Variants in PRMT1 observed in about 807,000 individuals in gnomAD.
The protein encoded by PRMT1 is protein arginine methyltransferase 1.
Under a neutral mutation model 47.4 loss-of-function variants are expected in PRMT1, and 5 were observed. The observed-to-expected ratio is 0.11, with a 90% CI of 0.06 to 0.22. PRMT1 has a LOEUF of 0.22. Among genes scored for constraint, PRMT1 ranks in the 10% least tolerant of loss-of-function variants. PRMT1 has a pLI of 1.00. For synonymous variants in PRMT1, 227 were observed against 204.6 expected (o/e 1.11, Z -0.94); for missense variants, 249 against 518.4 (o/e 0.48, Z 5.05).
chr19:49,682,315 C>CAGG (rs774012157), intron 5 of PRMT1, 56 bp downstream of exon 5: 26 of 1,561,282 alleles, frequency 1.7e-5, no homozygotes, highest in African/African-American at 2.7e-5. Flanking sequence ...GCCCTGCTTC[C>CAGG]CCAGGGCCCT....
In PRMT1 at chr19:49,680,429, T is replaced by C. The variant is rs935499646; in HGVS notation, c.91-58T>C. ...CAGGGAAAAGTAGGGCGCTGGAGGTTTAAGAGGCTGTGGGGAGCCCCCAGA... is the reference window on the plus strand; with the variant it reads ...CAGGGAAAAGTAGGGCGCTGGAGGTCTAAGAGGCTGTGGGGAGCCCCCAGA... On this transcript the variant is annotated intron_variant, in intron 2 of 10. Coordinates refer to ENST00000454376, the MANE Select transcript of PRMT1 (RefSeq NM_001536.6). This position sits in a 1 kb window ranked among gnomAD's most constrained non-coding sequence, Gnocchi z 4.2. 3.5e-6 allele frequency: 5 copies of C among 1,414,346 alleles called. No homozygotes were observed. The highest frequency in any genetic ancestry group is 5.0e-6 in the Non-Finnish European group (5 of 999,056). 87.6% of individuals were successfully genotyped at this position (1,414,346 alleles called of 1,614,324 possible).
At chr19:49,686,557 T>TTGGGGGGGG in intron 9 of PRMT1, 48 bp from the exon 10 acceptor site, 1 of 976,194 alleles carries the variant, frequency 1.0e-6, no homozygotes. Context: ...AAGGGTGGGG[T>TTGGGGGGGG]TGGGGGGGGC....
chr19:49,680,367 TGTC>T lies in PRMT1; in HGVS notation c.91-119_91-117del, dbSNP rs2082099029. On this transcript the variant is annotated intron_variant, in intron 2 of 10. Transcript: ENST00000454376. This position sits in a 1 kb window ranked among gnomAD's most constrained non-coding sequence, Gnocchi z 4.2. ...AGATGGCAGGCGGGGGCTGTAGGGT[TGTC>T]ATGGTATGATTTTGGGGGTTCTATA... 1.7e-5 allele frequency: 19 copies of T among 1,086,964 alleles called. No homozygotes were observed. Among genetic ancestry groups the T allele is most frequent in the Non-Finnish European group, 2.5e-5 (18 of 715,626 alleles). 67.3% of individuals were successfully genotyped at this position (1,086,964 alleles called of 1,614,324 possible).
Position 49,684,162 on chromosome 19 carries a change from A to G in PRMT1, c.555+93A>G. On this transcript the variant is annotated intron_variant, in intron 6 of 10. Coordinates refer to ENST00000454376, the MANE Select transcript of PRMT1 (RefSeq NM_001536.6). This position sits in a 1 kb window ranked among gnomAD's most constrained non-coding sequence, Gnocchi z 6.2. ...TCAATTTTTCCCACAGACGGGACTT[A>G]CTGTGGGGGCTTAGCTGCAAGGTGT... The G allele has an allele frequency of 6.6e-7, 1 of 1,518,306 alleles. No homozygotes were observed. Among genetic ancestry groups the G allele is most frequent in the South Asian group, 1.2e-5 (1 of 83,420 alleles). The allele number at this position is 1,518,306 out of a possible 1,614,324, so 94.1% of individuals were successfully genotyped here. A position where few individuals can be genotyped will look rare whatever the true frequency, so the allele number is the denominator to read the frequency against.
At position 49,679,867 on chromosome 19, in the gene PRMT1, C is replaced by G. The variant is rs1158246526; in HGVS notation, c.37-5C>G. The G allele has an allele frequency of 1.2e-6, 2 of 1,611,274 alleles. No homozygotes were observed. Among genetic ancestry groups the G allele is most frequent in the Admixed American group, 1.7e-5 (1 of 59,878 alleles). On this transcript the variant is annotated splice_polypyrimidine_tract_variant and splice_region_variant and intron_variant, in intron 1 of 10. Coordinates refer to ENST00000454376, the MANE Select transcript of PRMT1 (RefSeq NM_001536.6). ...TAATCCTTTTTCCCTGTTACTCTCT[C>G]CTAGAATTTTGTAGCCACCTTGGCT... is the stretch of plus-strand genomic sequence containing the variant.
intron 5 of PRMT1, among the ~76,000 whole-genome samples, chr19:49,683,190 A>G (rs1380081794): frequency 1.3e-5 from 2 of 151,606 alleles, no homozygotes; most frequent in Non-Finnish European, 2.9e-5. Flanking sequence ...AAGTGCTGAG[A>G]TTACAGGCGT....
chr19:49,683,000 A>G (rs922180927), intron 5 of PRMT1, among the ~76,000 whole-genome samples: 4 of 150,996 alleles, frequency 2.6e-5, no homozygotes, highest in African/African-American at 9.8e-5. Context: ...GTTAGCCAGG[A>G]TGGTCTCGAT....
chr19:49,677,033 C>A, upstream of PRMT1: 1 of 394,080 alleles, frequency 2.5e-6, no homozygotes, highest in Non-Finnish European at 4.5e-6. Flanking sequence ...GCAGTTTTCC[C>A]CATCCCGGGT....
At chr19:49,679,676 C>G in intron 1 of PRMT1, 196 bp from the exon 2 acceptor site, 1 of 661,974 alleles carries the variant, frequency 1.5e-6, no homozygotes, top group Non-Finnish European at 2.8e-6. Context: ...ATAGGAGACC[C>G]CCCTTTCTTC....
rs1258273409 is a variant in PRMT1, at chr19:49,688,066, C to A, written c.1033-96C>A. On this transcript the variant is annotated intron_variant, in intron 10 of 10. Transcript: ENST00000454376. The surrounding 1 kb of genome is among the most constrained non-coding windows in gnomAD (Gnocchi z 5.3). Reference sequence around the variant, plus strand: ...CTGCAGCGTGGAGATGGGCAGGAAGCTGGAGCCCGGCTCATCGTCGCATAG... The same window carrying A: ...CTGCAGCGTGGAGATGGGCAGGAAGATGGAGCCCGGCTCATCGTCGCATAG... 4 of 1,105,164 alleles carry A rather than the reference C, an allele frequency of 3.6e-6. No homozygotes were observed. The highest frequency in any genetic ancestry group is 2.4e-5 in the East Asian group (1 of 42,526). The allele number at this position is 1,105,164 out of a possible 1,614,324, so 68.5% of individuals were successfully genotyped here. A position where few individuals can be genotyped will look rare whatever the true frequency, so the allele number is the denominator to read the frequency against.
In PRMT1 at chr19:49,681,254, G is replaced by A. The variant is rs1363891747; in HGVS notation, c.193-656G>A. Among the ~76,000 whole-genome samples, 4 of 152,092 alleles carry A rather than the reference G, an allele frequency of 2.6e-5. No homozygotes were observed. The highest frequency in any genetic ancestry group is 5.9e-5 in the Non-Finnish European group (4 of 68,014). ...TCTGTAGAGATAATCTTGCCTTGTT[G>A]CCCAGGCTGGTCTCAAACTCTTGGG... On this transcript the variant is annotated intron_variant, in intron 3 of 10. Transcript: ENST00000454376. This position sits in a 1 kb window ranked among gnomAD's most constrained non-coding sequence, Gnocchi z 4.4.
At position 49,684,566 on chromosome 19, in the gene PRMT1, G is replaced by A. The variant is rs907144540; in HGVS notation, c.556-188G>A. On this transcript the variant is annotated intron_variant, in intron 6 of 10. Transcript: ENST00000454376. The surrounding 1 kb of genome is among the most constrained non-coding windows in gnomAD (Gnocchi z 6.2). ...AGGATCCCCAGAACCTCCAAGGGCC[G>A]GGAGCTGACTGGGGTGCCCCTGGGT... Among the ~76,000 whole-genome samples, 11 of 152,194 alleles carry A rather than the reference G, an allele frequency of 7.2e-5. No individual in the cohort carries two copies. Among genetic ancestry groups the A allele is most frequent in the East Asian group, 1.9e-4 (1 of 5,196 alleles).
Position 49,685,398 on chromosome 19 carries a change from C to T in PRMT1, c.759+361C>T. 1 of 1,222,594 alleles carries T rather than the reference C, an allele frequency of 8.2e-7. No individual in the cohort carries two copies. The highest frequency in any genetic ancestry group is 1.6e-5 in the African/African-American group (1 of 64,254). The allele number at this position is 1,222,594 out of a possible 1,614,324, so 75.7% of individuals were successfully genotyped here. On this transcript the variant is annotated intron_variant, in intron 8 of 10. Transcript: ENST00000454376. This position sits in a 1 kb window ranked among gnomAD's most constrained non-coding sequence, Gnocchi z 4.7. Reference sequence around the variant, plus strand: ...GGCCAGGCTGGGCTCCGAGATGTGCCTGAGGTCCCAGCTACTCGGGAGGAT... The same window carrying T: ...GGCCAGGCTGGGCTCCGAGATGTGCTTGAGGTCCCAGCTACTCGGGAGGAT...
rs2082090581 is a variant in PRMT1, at chr19:49,679,912, C to A, written c.77C>A (p.Pro26Gln). Residue 26 changes from proline (P) to glutamine (Q), a missense_variant, in exon 2 of 11, where the codon CCG (proline) becomes CAG (glutamine). Coordinates refer to ENST00000454376, the MANE Select transcript of PRMT1 (RefSeq NM_001536.6). ...TTGGCTAATGGGATGAGCCTCCAGC[C>A]GCCTCTTGAAGAAGTAAATATCCTT... ...ATLANGMSLQ[P>Q]PLEEVSCGQA... The A allele has an allele frequency of 6.2e-7, 1 of 1,612,682 alleles. No homozygotes were observed. The highest frequency in any genetic ancestry group is 8.5e-7 in the Non-Finnish European group (1 of 1,179,060).
chr19:49,685,541 T>C lies in PRMT1; in HGVS notation c.759+504T>C. ...TTGTTTTTTTTTACTTCTGAGACCC[T>C]GTTTAAAAAAAAAAAATACGGCGAT... On this transcript the variant is annotated intron_variant, in intron 8 of 10. Transcript: ENST00000454376. The surrounding 1 kb of genome is among the most constrained non-coding windows in gnomAD (Gnocchi z 4.7). 2 of 1,015,336 alleles carry C rather than the reference T, an allele frequency of 2.0e-6. No individual in the cohort carries two copies. The highest frequency in any genetic ancestry group is 2.4e-6 in the Non-Finnish European group (2 of 847,994). 62.9% of individuals were successfully genotyped at this position (1,015,336 alleles called of 1,614,324 possible).
rs2123006158 is a variant in PRMT1, at chr19:49,686,150, C to T, written c.817C>T (p.Leu273=). 1 of 1,614,122 alleles carries T rather than the reference C, an allele frequency of 6.2e-7. No individual in the cohort carries two copies. Among genetic ancestry groups the T allele is most frequent in the Non-Finnish European group, 8.5e-7 (1 of 1,179,988 alleles). The change falls in exon 9 of 11, where the codon CTG becomes TTG. Residue 273 remains leucine (L), a synonymous_variant. Transcript: ENST00000454376. ...CCTGACCTTCACCTCCCCGTTCTGC[C>T]TGCAAGTGAAGCGGAATGACTACGT... The part of the protein sequence containing the change: ...EDLTFTSPFC[L]QVKRNDYVHA...
At chr19:49,682,173 C>T (rs2082128852) in intron 4 of PRMT1, 23 bp from the exon 5 acceptor site, 2 of 1,613,558 alleles carry the variant, frequency 1.2e-6, no homozygotes, top group Non-Finnish European at 1.7e-6. Context: ...GGGTCTCACC[C>T]TCCCTTCTTC....
chr19:49,676,762 T>TC (rs534631247), upstream of PRMT1, among the ~76,000 whole-genome samples: 149 of 152,322 alleles, frequency 9.8e-4, 5 homozygotes, highest in South Asian at 0.03. Context: ...CCCGCCTTCT[T>TC]CCCTACCCGT....
In PRMT1 at chr19:49,683,400, A is replaced by G. The variant is rs546296543; in HGVS notation, c.413-527A>G. On this transcript the variant is annotated intron_variant, in intron 5 of 10. Coordinates refer to ENST00000454376, the MANE Select transcript of PRMT1 (RefSeq NM_001536.6). ...TATCAAAACCACCCAGTTAAAAACA[A>G]AATCGCGGCCGGGCACAGTGGCTCA... Among the ~76,000 whole-genome samples the G allele has an allele frequency of 1.2e-4, 18 of 152,154 alleles. No homozygotes were observed. The South Asian group carries it at 3.5e-3, about 30-fold the overall frequency.
Sources: allele counts gnomAD v4.1 joint callset (sites outside exome capture counted in the v4.1 genomes callset), GRCh38; gene constraint gnomAD v4.1.1; non-coding constraint Gnocchi (gnomAD v3.1); transcripts MANE v1.5; gene names NCBI Gene and HGNC (gene_info 2026-07-23, HGNC 2026-07-21).